CCSER1: variants seen among roughly 807,000 people sequenced by gnomAD.
CCSER1 encodes the protein coiled-coil serine rich protein 1, also known as serine-rich coiled-coil domain-containing protein 1.
CCSER1 carries 41 observed loss-of-function variants against 82.0 expected under a neutral mutation model. That is an observed-to-expected ratio of 0.50 (90% CI 0.39 to 0.65). The LOEUF (loss-of-function observed/expected upper bound fraction) is 0.65, where lower values mean the gene tolerates loss of function less well. Ranked by LOEUF, CCSER1 falls within the 30% of genes least tolerant of loss-of-function variation. The probability of loss-of-function intolerance (pLI) is 0.00; values close to 1 mark genes in which losing one functional copy is unlikely to be tolerated. For synonymous variants in CCSER1, 414 were observed against 383.9 expected (o/e 1.08, Z -0.92); for missense variants, 1,119 against 1,064.2 (o/e 1.05, Z -0.72).
intron 5 of CCSER1, among the ~76,000 whole-genome samples, chr4:90,488,333 A>G (rs372655275): frequency 5.9e-4 from 89 of 151,884 alleles, no homozygotes; most frequent in Non-Finnish European, 1.0e-3. Flanking sequence ...GACTACAGGC[A>G]CCCACCACCA....
intron 5 of CCSER1, among the ~76,000 whole-genome samples, chr4:90,493,953 A>T (rs571042200): frequency 1.3e-5 from 2 of 152,230 alleles, no homozygotes; most frequent in Admixed American, 1.3e-4. Flanking sequence ...AAATGCTCCA[A>T]TTAAAAGACA....
At chr4:91,326,841 C>A (rs1290493098) in intron 10 of CCSER1, among the ~76,000 whole-genome samples, 2 of 152,088 alleles carry the variant, frequency 1.3e-5, no homozygotes, top group African/African-American at 4.8e-5. Context: ...CAGGCCCCAC[C>A]CAAGTCCAAA....
chr4:91,294,388 A>C (rs1744001160), intron 10 of CCSER1, among the ~76,000 whole-genome samples: 1 of 151,898 alleles, frequency 6.6e-6, no homozygotes, highest in South Asian at 2.1e-4. Flanking sequence ...GATAGATCCG[A>C]AAAGTGAAAC....
At chr4:90,287,568 GA>G (rs1730130565) in intron 1 of CCSER1, among the ~76,000 whole-genome samples, 1 of 151,688 alleles carries the variant, frequency 6.6e-6, no homozygotes, top group African/African-American at 2.4e-5. Context: ...TCAAGATGAG[GA>G]CATAGTTCTG....
In CCSER1 at chr4:90,337,088, C is replaced by T. The variant is rs75092789; in HGVS notation, c.1509+24041C>T. On this transcript the variant is annotated intron_variant, in intron 3 of 10. Coordinates refer to ENST00000509176, the MANE Select transcript of CCSER1 (RefSeq NM_001145065.2). ...CCTGAATATCTGTTCTCTGGCTCTT[C>T]CCATGTACCAGTTCTCTACTCACTT... 3.2e-3 allele frequency among the ~76,000 whole-genome samples: 485 copies of T among 152,306 alleles called. 12 individuals are homozygous for T. In the East Asian group the frequency reaches 0.057, roughly 18 times the overall value.
chr4:91,272,762 T>G (rs1742133661), intron 10 of CCSER1, among the ~76,000 whole-genome samples: 1 of 152,324 alleles, frequency 6.6e-6, no homozygotes, highest in Non-Finnish European at 1.5e-5. Context: ...ATCTTGAGTT[T>G]ATTTTTGAAT....
At chr4:90,449,132 T>A (rs948938731) in intron 4 of CCSER1, among the ~76,000 whole-genome samples, 2 of 152,222 alleles carry the variant, frequency 1.3e-5, no homozygotes, top group Non-Finnish European at 2.9e-5. Context: ...AGCTCTCAGC[T>A]GGAAGGAGAC....
At chr4:91,225,174 G>GTA (rs66871278) in intron 10 of CCSER1, among the ~76,000 whole-genome samples, 87,624 of 140,002 alleles carry the variant, frequency 0.63, 28,098 homozygotes, top group East Asian at 0.93. Flanking sequence ...ATGTGTGTGT[G>GTA]TATATATGTA....
chr4:90,467,727 A>T (rs2153587795), intron 4 of CCSER1, among the ~76,000 whole-genome samples: 1 of 152,260 alleles, frequency 6.6e-6, no homozygotes, highest in South Asian at 2.1e-4. Context: ...GAATATGCTC[A>T]CAAAAGAATA....
At chr4:90,551,706 C>CTATATATATATATATATATATATA (rs1553940962) in intron 5 of CCSER1, among the ~76,000 whole-genome samples, 10 of 104,214 alleles carry the variant, frequency 9.6e-5, no homozygotes, top group African/African-American at 4.6e-4. Context: ...CTCTCTCTCT[C>CTATATATATATATATATATATATA]TATATATATA....
chr4:91,517,900 CAG>C (rs911468353), intron 10 of CCSER1, among the ~76,000 whole-genome samples: 2 of 150,120 alleles, frequency 1.3e-5, no homozygotes, highest in Non-Finnish European at 3.0e-5. Context: ...TTTGGTTTCA[CAG>C]GGGGGGTATG....
At chr4:90,995,075 C>A (rs62309828) in intron 9 of CCSER1, among the ~76,000 whole-genome samples, 2,832 of 152,256 alleles carry the variant, frequency 0.019, 53 homozygotes, top group Non-Finnish European at 0.03. Flanking sequence ...ATTTTACAAA[C>A]ATGCATTCTC....
intron 10 of CCSER1, among the ~76,000 whole-genome samples, chr4:91,415,840 T>C (rs1211705193): frequency 6.6e-6 from 1 of 152,160 alleles, no homozygotes; most frequent in Non-Finnish European, 1.5e-5. Flanking sequence ...TTTGCATTGA[T>C]GTTCATCAGG....
intron 10 of CCSER1, among the ~76,000 whole-genome samples, chr4:91,218,846 C>T (rs1737506913): frequency 6.6e-6 from 1 of 152,168 alleles, no homozygotes; most frequent in Non-Finnish European, 1.5e-5. Flanking sequence ...TGATTCAGAA[C>T]TAACAGGTAT....
rs1341082791 is a variant in CCSER1 at position 91,242,797 on chromosome 4, A to C, written c.2217+156803A>C. 2.0e-5 allele frequency among the ~76,000 whole-genome samples: 3 copies of C among 152,230 alleles called. No individual in the cohort carries two copies. In the East Asian group the frequency reaches 5.8e-4, roughly 29 times the overall value. The stretch of plus-strand genomic sequence containing the variant: ...TAAAAGAACTCTTAAAACTCAAGAA[A>C]ACAACCCAGTTGAAAAATGGACAAA... On this transcript the variant is annotated intron_variant, in intron 10 of 10. Transcript: ENST00000509176.
intron 7 of CCSER1, among the ~76,000 whole-genome samples, chr4:90,745,852 G>GC (rs1225157213): frequency 6.8e-6 from 1 of 146,970 alleles, no homozygotes; most frequent in Non-Finnish European, 1.5e-5. Flanking sequence ...ACCACACCCA[G>GC]CTAAATTTTT....
intron 5 of CCSER1, among the ~76,000 whole-genome samples, chr4:90,567,957 T>C (rs1202339234): frequency 6.6e-6 from 1 of 152,204 alleles, no homozygotes; most frequent in Non-Finnish European, 1.5e-5. Context: ...GATCCATTGG[T>C]TGTTCATGAG....
At chr4:90,825,049 G>A (rs925322300) in intron 8 of CCSER1, among the ~76,000 whole-genome samples, 2 of 152,128 alleles carry the variant, frequency 1.3e-5, no homozygotes, top group Non-Finnish European at 1.5e-5. Context: ...CCCTGATGAA[G>A]AGCTGCCAAA....
chr4:90,335,914 G>A (rs566542048), intron 3 of CCSER1, among the ~76,000 whole-genome samples: 47 of 152,266 alleles, frequency 3.1e-4, no homozygotes, highest in African/African-American at 9.4e-4. Context: ...CATCACGCCC[G>A]ACATAGATAT....
Sources: gnomAD v4.1 joint callset for allele counts (sites outside exome capture counted in the v4.1 genomes callset) on GRCh38, gnomAD v4.1.1 for gene constraint, MANE v1.5 for transcripts, NCBI Gene and HGNC (gene_info 2026-07-23, HGNC 2026-07-21) for gene names.